EPHA3: variants seen among roughly 807,000 people sequenced by gnomAD.
EPHA3 encodes the protein EPH receptor A3, also known as ephrin type-A receptor 3.
Under a neutral mutation model 107.1 loss-of-function variants are expected in EPHA3, and 42 were observed. The ratio of observed to expected loss-of-function variants is 0.39; its 90% CI spans 0.31 to 0.51. The LOEUF is 0.51. EPHA3 is among the 20% of genes least tolerant of loss of function. The pLI is 0.78. For synonymous variants in EPHA3, 461 were observed against 424.8 expected (o/e 1.09, Z -1.05); for missense variants, 1,183 against 1,211.2 (o/e 0.98, Z 0.35).
At chr3:89,265,042 A>G (rs1705504438) in intron 3 of EPHA3, among the ~76,000 whole-genome samples, 1 of 152,196 alleles carries the variant, frequency 6.6e-6, no homozygotes, top group African/African-American at 2.4e-5. Context: ...CAGACATTTA[A>G]AAATTTTAAC....
At chr3:89,112,790 A>G (rs1251279895) in intron 1 of EPHA3, among the ~76,000 whole-genome samples, 1 of 151,982 alleles carries the variant, frequency 6.6e-6, no homozygotes, top group Non-Finnish European at 1.5e-5. Flanking sequence ...GCTACTTTTT[A>G]TTTGAATCAT....
rs1297357179 is a variant in EPHA3, at chr3:89,140,739, G to A, written c.153+13466G>A. On this transcript the variant is annotated intron_variant, in intron 2 of 16. Transcript: ENST00000336596. Reference sequence around the variant, plus strand: ...TTATTTCAGAAGTGAAAATATATGAGGTAATATTCGTTTCTAGAACCTATC... The same window carrying A: ...TTATTTCAGAAGTGAAAATATATGAAGTAATATTCGTTTCTAGAACCTATC... Among the ~76,000 whole-genome samples the A allele has an allele frequency of 4.0e-5, 6 of 151,712 alleles. No individual in the cohort carries two copies. The East Asian group carries it at 1.2e-3, about 29-fold the overall frequency.
At chr3:89,359,213 T>C (rs1708033747) in intron 5 of EPHA3, among the ~76,000 whole-genome samples, 1 of 151,058 alleles carries the variant, frequency 6.6e-6, no homozygotes, top group Non-Finnish European at 1.5e-5. Context: ...ATCATTTTAA[T>C]TATGAATTAT....
At chr3:89,348,075 T>C (rs1201358005) in intron 5 of EPHA3, among the ~76,000 whole-genome samples, 5 of 149,714 alleles carry the variant, frequency 3.3e-5, no homozygotes, top group Non-Finnish European at 7.5e-5. Context: ...TCTAAAATTC[T>C]CTTTTTTGGT....
At chr3:89,405,382 G>A (rs1709036605) in intron 7 of EPHA3, among the ~76,000 whole-genome samples, 1 of 152,182 alleles carries the variant, frequency 6.6e-6, no homozygotes, top group East Asian at 1.9e-4. Flanking sequence ...TGCAGCTGGA[G>A]GCTGTCTGCT....
At chr3:89,197,842 T>G (rs920453839) in intron 2 of EPHA3, among the ~76,000 whole-genome samples, 1 of 151,846 alleles carries the variant, frequency 6.6e-6, no homozygotes, top group Non-Finnish European at 1.5e-5. Flanking sequence ...CCTGGTGTGG[T>G]GGTGTGTGCC....
intron 5 of EPHA3, among the ~76,000 whole-genome samples, chr3:89,391,272 A>G (rs1432280557): frequency 1.3e-5 from 2 of 152,162 alleles, no homozygotes; most frequent in South Asian, 4.1e-4. Flanking sequence ...GGAAGTTTTC[A>G]GTACCGCTGT....
At chr3:89,340,398 C>T (rs955746337) in intron 3 of EPHA3, among the ~76,000 whole-genome samples, 1 of 152,150 alleles carries the variant, frequency 6.6e-6, no homozygotes, top group Non-Finnish European at 1.5e-5. Context: ...AATATTGTAG[C>T]TCATGAAAAT....
chr3:89,219,703 GTTT>G (rs796857390), intron 3 of EPHA3, among the ~76,000 whole-genome samples: 6 of 26,230 alleles, frequency 2.3e-4, no homozygotes, highest in Admixed American at 1.4e-3. Flanking sequence ...TTTTTTTTTT[GTTT>G]TTTGTTTTTT....
At chr3:89,352,453 A>G (rs1440265001) in intron 5 of EPHA3, among the ~76,000 whole-genome samples, 1 of 151,436 alleles carries the variant, frequency 6.6e-6, no homozygotes, top group African/African-American at 2.4e-5. Context: ...AAACGTTTAT[A>G]GGCTTTCTCG....
intron 2 of EPHA3, among the ~76,000 whole-genome samples, chr3:89,177,741 C>T (rs1386526080): frequency 6.6e-6 from 1 of 152,148 alleles, no homozygotes; most frequent in Non-Finnish European, 1.5e-5. Flanking sequence ...TGTACATCTC[C>T]TGTGGGTAAT....
At chr3:89,383,001 A>G (rs1192879729) in intron 5 of EPHA3, among the ~76,000 whole-genome samples, 4 of 152,236 alleles carry the variant, frequency 2.6e-5, no homozygotes, top group South Asian at 4.1e-4. Context: ...ATATACTGAT[A>G]TCTACTAATA....
intron 3 of EPHA3, among the ~76,000 whole-genome samples, chr3:89,272,482 G>A (rs1417437132): frequency 6.6e-6 from 1 of 151,894 alleles, no homozygotes; most frequent in South Asian, 2.1e-4. Context: ...ACTTTGCCTT[G>A]TTAAAGTGTC....
chr3:89,332,072 C>A (rs1707301629), intron 3 of EPHA3, among the ~76,000 whole-genome samples: 1 of 152,162 alleles, frequency 6.6e-6, no homozygotes, highest in Admixed American at 6.5e-5. Context: ...CTATCCCATT[C>A]TCGCTCTGGC....
At position 89,276,214 on chromosome 3, in the gene EPHA3, C is replaced by G. The variant is rs112169863; in HGVS notation, c.815-64702C>G. Among the ~76,000 whole-genome samples, 588 of 152,146 alleles carry G rather than the reference C, an allele frequency of 3.9e-3. 1 individual carries two copies. Among genetic ancestry groups the G allele is most frequent in the African/African-American group, 0.014 (568 of 41,520 alleles). On this transcript the variant is annotated intron_variant, in intron 3 of 16. Coordinates refer to ENST00000336596, the MANE Select transcript of EPHA3 (RefSeq NM_005233.6). ...CTTTATCAATGTCACAGGATGTCAT[C>G]CATAAAAATATGTCAACCTTTTAAA...
At chr3:89,203,670 G>A (rs1049129367) in intron 2 of EPHA3, among the ~76,000 whole-genome samples, 11 of 151,938 alleles carry the variant, frequency 7.2e-5, no homozygotes, top group African/African-American at 7.2e-5. Flanking sequence ...CCAGCTACTC[G>A]GGAGGCTGAG....
intron 15 of EPHA3, among the ~76,000 whole-genome samples, chr3:89,455,863 T>C (rs1710088060): frequency 6.6e-6 from 1 of 152,198 alleles, no homozygotes; most frequent in Non-Finnish European, 1.5e-5. Context: ...CAGAGCACCA[T>C]ATTCTCGTTC....
At position 89,146,028 on chromosome 3, in the gene EPHA3, C is replaced by A. The variant is rs73144411; in HGVS notation, c.153+18755C>A. Reference sequence around the variant, plus strand: ...TCTCACTTACATGTGATTTTGATTTCTGTGCTTTCAGTTACCAGAAGTCAA... The same window carrying A: ...TCTCACTTACATGTGATTTTGATTTATGTGCTTTCAGTTACCAGAAGTCAA... On this transcript the variant is annotated intron_variant, in intron 2 of 16. Transcript: ENST00000336596. Among the ~76,000 whole-genome samples the A allele has an allele frequency of 3.4e-4, 51 of 151,946 alleles. No individual in the cohort carries two copies. The Middle Eastern group carries it at 0.01, about 30-fold the overall frequency.
At chr3:89,390,128 A>T (rs1247558285) in intron 5 of EPHA3, among the ~76,000 whole-genome samples, 1 of 152,050 alleles carries the variant, frequency 6.6e-6, no homozygotes, top group East Asian at 1.9e-4. Context: ...AGTAGCTGGG[A>T]TTACAGTCAC....
Sources: allele counts gnomAD v4.1 joint callset (sites outside exome capture counted in the v4.1 genomes callset), GRCh38; gene constraint gnomAD v4.1.1; transcripts MANE v1.5; gene names NCBI Gene and HGNC (gene_info 2026-07-23, HGNC 2026-07-21).